SEMA3E: variants seen among roughly 807,000 people sequenced by gnomAD.
SEMA3E encodes the protein semaphorin 3E.
A neutral mutation model predicts 93.6 loss-of-function variants in SEMA3E; 49 were observed. The observed-to-expected ratio is 0.52, with a 90% CI of 0.42 to 0.66. The LOEUF (loss-of-function observed/expected upper bound fraction) is 0.66, where lower values mean the gene tolerates loss of function less well. SEMA3E is among the 30% of genes least tolerant of loss of function. The pLI, the probability that SEMA3E is intolerant of heterozygous loss-of-function variation, is 0.00. For missense variants in SEMA3E, 906 were observed against 964.8 expected (o/e 0.94, Z 0.81); for synonymous variants, 363 against 330.7 (o/e 1.10, Z -1.06).
At chr7:83,456,997 C>G (rs1029135427) in intron 4 of SEMA3E, among the ~76,000 whole-genome samples, 1 of 151,980 alleles carries the variant, frequency 6.6e-6, no homozygotes. Context: ...ATTACTTATC[C>G]CCTTACTAAA....
At chr7:83,458,973 G>GTATATATATA (rs71074661) in intron 4 of SEMA3E, among the ~76,000 whole-genome samples, 5 of 140,628 alleles carry the variant, frequency 3.6e-5, no homozygotes, top group South Asian at 2.2e-4. Context: ...GTGTGTGTGT[G>GTATATATATA]TATATATATA....
intron 1 of SEMA3E, among the ~76,000 whole-genome samples, chr7:83,496,467 C>T (rs538885988): frequency 6.6e-6 from 1 of 151,882 alleles, no homozygotes; most frequent in African/African-American, 2.4e-5. Flanking sequence ...ACTTTAATCA[C>T]CTTTATTGTG....
chr7:83,410,683 G>A (rs1788421229), intron 5 of SEMA3E, among the ~76,000 whole-genome samples: 1 of 151,998 alleles, frequency 6.6e-6, no homozygotes, highest in Non-Finnish European at 1.5e-5. Context: ...AATTCAGTCT[G>A]CATTATTTGA....
chr7:83,592,656 A>G (rs10239484), intron 1 of SEMA3E, among the ~76,000 whole-genome samples: 2,662 of 152,312 alleles, frequency 0.017, 78 homozygotes, highest in African/African-American at 0.059. Flanking sequence ...ATCAAGTAAT[A>G]GGCAGTTAAT....
In SEMA3E at chr7:83,646,806, T is replaced by C. The variant is rs143415505; in HGVS notation, c.115+1622A>G. On this transcript the variant is annotated intron_variant, in intron 1 of 16. Coordinates refer to ENST00000643230, the MANE Select transcript of SEMA3E (RefSeq NM_012431.3). ...TTAACTCTCTTATGAAATATTAAAA[T>C]GTGACCTGTTGGAAAACACACTGAT... is the stretch of plus-strand genomic sequence containing the variant. Among the ~76,000 whole-genome samples the C allele has an allele frequency of 6.8e-4, 104 of 152,170 alleles. 1 individual carries two copies. The East Asian group carries it at 0.016, about 24-fold the overall frequency.
intron 4 of SEMA3E, among the ~76,000 whole-genome samples, chr7:83,437,110 G>C (rs980543305): frequency 1.3e-5 from 2 of 152,102 alleles, no homozygotes; most frequent in Non-Finnish European, 2.9e-5. Flanking sequence ...CTGGGTCCTG[G>C]TGGAATTCAA....
At chr7:83,412,196 C>T (rs1380077790) in intron 5 of SEMA3E, among the ~76,000 whole-genome samples, 2 of 152,108 alleles carry the variant, frequency 1.3e-5, no homozygotes, top group African/African-American at 2.4e-5. Context: ...TCCATGACAC[C>T]TTGTCTGGCC....
chr7:83,578,111 A>G (rs201485960), intron 1 of SEMA3E, among the ~76,000 whole-genome samples: 102 of 151,696 alleles, frequency 6.7e-4, no homozygotes, highest in African/African-American at 2.3e-3. Flanking sequence ...GAGAGAATAT[A>G]TTTACATCCA....
At chr7:83,580,757 C>T (rs959910203) in intron 1 of SEMA3E, among the ~76,000 whole-genome samples, 1 of 151,912 alleles carries the variant, frequency 6.6e-6, no homozygotes, top group Non-Finnish European at 1.5e-5. Flanking sequence ...ATAACCCTCT[C>T]CTATTTGCCT....
intron 2 of SEMA3E, among the ~76,000 whole-genome samples, chr7:83,486,865 C>T (rs1035494027): frequency 2.0e-5 from 3 of 151,996 alleles, no homozygotes; most frequent in African/African-American, 2.4e-5. Flanking sequence ...GTCTCCCACT[C>T]CCCCAAGTTG....
In SEMA3E at chr7:83,466,493, A is replaced by G. The variant is rs1789759218; in HGVS notation, c.445T>C (p.Tyr149His). 7.4e-6 allele frequency: 12 copies of G among 1,614,020 alleles called. No individual in the cohort carries two copies. The highest frequency in any genetic ancestry group is 9.3e-6 in the Non-Finnish European group (11 of 1,179,978). Residue 149 changes from tyrosine to histidine, a missense_variant, in exon 4 of 17, where the codon TAT becomes CAT. Transcript: ENST00000643230. The stretch of plus-strand genomic sequence containing the variant: ...ATGAAACATCTTACCTCCAAATGAT[A>G]TCCAACTCTGATGAAGGCACAAACT... The part of the protein sequence containing the change: ...DPVCAFIRVG[Y>H]HLEDPLFHLE...
In SEMA3E at chr7:83,440,559, C is replaced by T. The variant is rs1789092145; in HGVS notation, c.457-22076G>A. On this transcript the variant is annotated intron_variant, in intron 4 of 16. Coordinates refer to ENST00000643230, the MANE Select transcript of SEMA3E (RefSeq NM_012431.3). ...TCAGAAACTTATGCAAATTTGCAAC[C>T]TACTAACAGGCAGATCTTATTCCAA... Among the ~76,000 whole-genome samples, 3 of 152,066 alleles carry T rather than the reference C, an allele frequency of 2.0e-5. No homozygotes were observed. The South Asian group carries it at 6.2e-4, about 31-fold the overall frequency.
At chr7:83,436,831 G>T (rs1789013982) in intron 4 of SEMA3E, among the ~76,000 whole-genome samples, 1 of 152,150 alleles carries the variant, frequency 6.6e-6, no homozygotes, top group Non-Finnish European at 1.5e-5. Flanking sequence ...ATGGGTGGTT[G>T]TATTAGTCCG....
intron 1 of SEMA3E, among the ~76,000 whole-genome samples, chr7:83,529,151 C>T (rs953678626): frequency 6.6e-6 from 1 of 152,078 alleles, no homozygotes; most frequent in African/African-American, 2.4e-5. Context: ...CCAGGAGAAG[C>T]AGCTCTTCAG....
At chr7:83,634,795 G>T (rs1793849862) in intron 1 of SEMA3E, among the ~76,000 whole-genome samples, 1 of 151,932 alleles carries the variant, frequency 6.6e-6, no homozygotes, top group Non-Finnish European at 1.5e-5. Context: ...GTATTTTATA[G>T]TCCTATCTTC....
At position 83,390,086 on chromosome 7, in the gene SEMA3E, CATAT is replaced by C. The variant is rs1422621306; in HGVS notation, c.1667+2465_1667+2468del. On this transcript the variant is annotated intron_variant, in intron 14 of 16. Transcript: ENST00000643230. Reference sequence around the variant, plus strand: ...ACATATATGCGCGTATACGTGTGCACATATATGCGCGTATACGTGTGCACATATA... The same window carrying C: ...ACATATATGCGCGTATACGTGTGCACATGCGCGTATACGTGTGCACATATA... Among the ~76,000 whole-genome samples the C allele has an allele frequency of 5.3e-5, 5 of 94,654 alleles. 1 individual carries two copies. The highest frequency in any genetic ancestry group is 1.1e-4 in the Admixed American group (1 of 9,358). The allele number at this position is 94,654 out of a possible 152,430, so 62.1% of individuals were successfully genotyped here. A position where few individuals can be genotyped will look rare whatever the true frequency, so the allele number is the denominator to read the frequency against.
intron 1 of SEMA3E, among the ~76,000 whole-genome samples, chr7:83,494,974 T>C (rs1790459137): frequency 6.6e-6 from 1 of 151,978 alleles, no homozygotes; most frequent in Admixed American, 6.6e-5. Context: ...GGGTGGTTTC[T>C]ATAATTAATG....
intron 1 of SEMA3E, among the ~76,000 whole-genome samples, chr7:83,595,038 G>T (rs1358216871): frequency 6.6e-6 from 1 of 151,834 alleles, no homozygotes; most frequent in Non-Finnish European, 1.5e-5. Context: ...CCTGGAGATT[G>T]TGTAGTTATC....
At chr7:83,532,602 T>C (rs572815019) in intron 1 of SEMA3E, among the ~76,000 whole-genome samples, 1 of 152,306 alleles carries the variant, frequency 6.6e-6, no homozygotes, top group African/African-American at 2.4e-5. Context: ...ATCAGGAATC[T>C]TGAAACCTGG....
Sources: gnomAD v4.1 joint callset for allele counts (sites outside exome capture counted in the v4.1 genomes callset) on GRCh38, gnomAD v4.1.1 for gene constraint, MANE v1.5 for transcripts, NCBI Gene and HGNC (gene_info 2026-07-23, HGNC 2026-07-21) for gene names.